Variants in BMPR1A observed in about 807,000 individuals in gnomAD.
BMPR1A encodes bone morphogenetic protein receptor type 1A.
In BMPR1A, 7 loss-of-function variants were observed where a neutral mutation model predicts 66.0. That is an observed-to-expected ratio of 0.11 (90% CI 0.06 to 0.20). The LOEUF is 0.20. BMPR1A is among the 10% of genes least tolerant of loss of function. BMPR1A has a pLI of 1.00. For synonymous variants in BMPR1A, 200 were observed against 229.7 expected (o/e 0.87, Z 1.17); for missense variants, 408 against 669.1 (o/e 0.61, Z 4.31).
intron 2 of BMPR1A, among the ~76,000 whole-genome samples, chr10:86,856,952 G>A (rs1016078752): frequency 6.6e-6 from 1 of 152,198 alleles, no homozygotes; most frequent in African/African-American, 2.4e-5. Flanking sequence ...AGCCAAATGA[G>A]ATACAGGGTA....
rs1014682550 is a variant in BMPR1A, at chr10:86,855,774, G to A, written c.-153+16795G>A. 4.2e-5 allele frequency: 48 copies of A among 1,131,986 alleles called. No homozygotes were observed. The East Asian group carries it at 6.0e-4, about 14-fold the overall frequency. 70.1% of individuals were successfully genotyped at this position (1,131,986 alleles called of 1,614,324 possible). A position where few individuals can be genotyped will look rare whatever the true frequency, so the allele number is the denominator to read the frequency against. Reference sequence around the variant, plus strand: ...ATTATGCTTTTTTGGTGCAGCTGTCGTCTAATACTTGTTGAATTTGGTCTG... The same window carrying A: ...ATTATGCTTTTTTGGTGCAGCTGTCATCTAATACTTGTTGAATTTGGTCTG... On this transcript the variant is annotated intron_variant, in intron 2 of 12. Transcript: ENST00000372037.
At chr10:86,891,065 G>A (rs1411790936) in intron 4 of BMPR1A, among the ~76,000 whole-genome samples, 2 of 152,258 alleles carry the variant, frequency 1.3e-5, no homozygotes, top group Non-Finnish European at 2.9e-5. Flanking sequence ...ATAATTGTAT[G>A]TTCCCTGAAT....
At chr10:86,800,089 G>GT (rs1173761458) in intron 1 of BMPR1A, among the ~76,000 whole-genome samples, 1 of 152,164 alleles carries the variant, frequency 6.6e-6, no homozygotes, top group African/African-American at 2.4e-5. Flanking sequence ...CTGTAGGCAT[G>GT]TTTTTGGCTT....
Position 86,764,037 on chromosome 10 carries a change from C to T in BMPR1A, c.-268+7118C>T, listed in dbSNP as rs191322136. ...CAATCTCCTGACCTCGTGATCCTCC[C>T]GCCTCAGCCTCCCAAAGTGCTGGGA... On this transcript the variant is annotated intron_variant, in intron 1 of 12. Coordinates refer to ENST00000372037, the MANE Select transcript of BMPR1A (RefSeq NM_004329.3). 4.7e-4 allele frequency among the ~76,000 whole-genome samples: 72 copies of T among 152,184 alleles called. 1 individual carries two copies. In the East Asian group the frequency reaches 9.9e-3, roughly 21 times the overall value.
intron 1 of BMPR1A, among the ~76,000 whole-genome samples, chr10:86,766,451 CTG>C (rs1285939387): frequency 4.6e-5 from 7 of 152,006 alleles, no homozygotes; most frequent in African/African-American, 1.5e-4. Context: ...TCCTTTGAGA[CTG>C]TTTTTATTTT....
intron 7 of BMPR1A, among the ~76,000 whole-genome samples, chr10:86,900,815 C>T (rs773532948): frequency 1.6e-4 from 25 of 152,068 alleles, no homozygotes; most frequent in South Asian, 4.1e-4. Flanking sequence ...GGAGGTGATG[C>T]GAAAGTCATA....
At chr10:86,906,108 A>G (rs1189151664) in intron 7 of BMPR1A, among the ~76,000 whole-genome samples, 4 of 151,884 alleles carry the variant, frequency 2.6e-5, no homozygotes, top group Non-Finnish European at 5.9e-5. Context: ...TTTTGACTTC[A>G]TTTTCCCAAG....
intron 1 of BMPR1A, among the ~76,000 whole-genome samples, chr10:86,787,975 C>T (rs899665761): frequency 3.3e-5 from 5 of 152,004 alleles, no homozygotes; most frequent in African/African-American, 1.2e-4. Flanking sequence ...AACACAGAGC[C>T]AAGCCATGTC....
chr10:86,907,903 G>T (rs1170415461), intron 7 of BMPR1A, among the ~76,000 whole-genome samples: 1 of 152,202 alleles, frequency 6.6e-6, no homozygotes, highest in Non-Finnish European at 1.5e-5. Context: ...ATAAGTTCTA[G>T]TATTTGATAG....
intron 2 of BMPR1A, among the ~76,000 whole-genome samples, chr10:86,841,948 C>T (rs538481210): frequency 1.8e-4 from 28 of 152,286 alleles, no homozygotes; most frequent in African/African-American, 6.5e-4. Flanking sequence ...CCCTGTACAT[C>T]TCTTTATCTG....
intron 1 of BMPR1A, among the ~76,000 whole-genome samples, chr10:86,837,018 G>C (rs1279954901): frequency 6.6e-6 from 1 of 152,130 alleles, no homozygotes; most frequent in East Asian, 1.9e-4. Context: ...GATCATCTGG[G>C]GTTTTGGACT....
intron 7 of BMPR1A, among the ~76,000 whole-genome samples, chr10:86,910,203 G>C (rs1843458136): frequency 6.6e-6 from 1 of 152,060 alleles, no homozygotes. Context: ...CAGGTGTGGT[G>C]GTGGGTGCCT....
In BMPR1A at chr10:86,899,818, C is replaced by T. The variant is rs779661827; in HGVS notation, c.358C>T (p.Arg120Trp). Reference sequence around the variant, plus strand: ...GGATTCTCCAAAAGCCCAGCTACGCCGGACAATAGAATGTTGTCGGACCAA... The same window carrying T: ...GGATTCTCCAAAAGCCCAGCTACGCTGGACAATAGAATGTTGTCGGACCAA... ...CKDSPKAQLR[R>W]TIECCRTNLC... The change falls in exon 6 of 13, where the codon CGG (arginine) becomes TGG (tryptophan). Residue 120 changes from arginine to tryptophan, a missense_variant. Physicochemically the swap from Arg to Trp is moderately radical, Grantham distance 101. Around this residue, in one of 5 missense-constraint regions of BMPR1A, gnomAD observed 174 missense variants for 265.1 expected, o/e 0.66. Coordinates refer to ENST00000372037, the MANE Select transcript of BMPR1A (RefSeq NM_004329.3). 1.9e-6 allele frequency: 3 copies of T among 1,614,058 alleles called. No individual in the cohort carries two copies. Among genetic ancestry groups the T allele is most frequent in the Non-Finnish European group, 2.5e-6 (3 of 1,179,950 alleles).
chr10:86,760,910 A>G (rs1004694827), intron 1 of BMPR1A, among the ~76,000 whole-genome samples: 2 of 152,248 alleles, frequency 1.3e-5, no homozygotes, highest in Non-Finnish European at 1.5e-5. Flanking sequence ...GTCCATTGTA[A>G]GATACACAGT....
At chr10:86,799,653 G>T (rs999454346) in intron 1 of BMPR1A, among the ~76,000 whole-genome samples, 1 of 151,896 alleles carries the variant, frequency 6.6e-6, no homozygotes, top group African/African-American at 2.4e-5. Flanking sequence ...TTGGGCTCAA[G>T]TGATCCTCCC....
intron 1 of BMPR1A, among the ~76,000 whole-genome samples, chr10:86,810,939 G>T (rs1841961505): frequency 6.6e-6 from 1 of 152,074 alleles, no homozygotes; most frequent in African/African-American, 2.4e-5. Flanking sequence ...TAGAGATGGG[G>T]TTTTGCCATG....
At chr10:86,840,832 T>A (rs1429064386) in intron 2 of BMPR1A, among the ~76,000 whole-genome samples, 1 of 152,220 alleles carries the variant, frequency 6.6e-6, no homozygotes, top group Non-Finnish European at 1.5e-5. Context: ...TGAAGTCCTG[T>A]CAGTTTTACC....
At chr10:86,832,062 C>G (rs904676783) in intron 1 of BMPR1A, among the ~76,000 whole-genome samples, 15 of 152,066 alleles carry the variant, frequency 9.9e-5, no homozygotes, top group Non-Finnish European at 1.9e-4. Flanking sequence ...TCCTGTGGAA[C>G]GAACTGTAGC....
At chr10:86,908,296 CATAAG>C (rs1320726327) in intron 7 of BMPR1A, among the ~76,000 whole-genome samples, 3 of 152,172 alleles carry the variant, frequency 2.0e-5, no homozygotes, top group African/African-American at 4.8e-5. Flanking sequence ...CGTATACATG[CATAAG>C]ATATCACATG....
Sources: allele counts gnomAD v4.1 joint callset (sites outside exome capture counted in the v4.1 genomes callset), GRCh38; gene constraint gnomAD v4.1.1; regional missense constraint gnomAD v4.1.1; transcripts MANE v1.5; gene names NCBI Gene and HGNC (gene_info 2026-07-23, HGNC 2026-07-21).